Variants in TMEM132B observed in about 807,000 individuals in gnomAD.
TMEM132B encodes the protein transmembrane protein 132B.
In TMEM132B, 18 loss-of-function variants were observed where a neutral mutation model predicts 90.8. That is an observed-to-expected ratio of 0.20 (90% CI 0.14 to 0.29). The LOEUF is 0.29. TMEM132B is among the 10% of genes least tolerant of loss of function. TMEM132B has a pLI of 1.00. For missense variants in TMEM132B, 1,096 were observed against 1,326.8 expected (o/e 0.83, Z 2.70); for synonymous variants, 504 against 523.3 (o/e 0.96, Z 0.50).
intron 2 of TMEM132B, among the ~76,000 whole-genome samples, chr12:125,375,697 G>T (rs190706855): frequency 2.0e-5 from 3 of 152,316 alleles, no homozygotes; most frequent in East Asian, 3.9e-4. Context: ...GACTTACCAC[G>T]GCTGCGTGTT....
At chr12:125,321,851 T>TA (rs993740765) in intron 1 of TMEM132B, among the ~76,000 whole-genome samples, 70 of 145,718 alleles carry the variant, frequency 4.8e-4, no homozygotes, top group Admixed American at 2.0e-3. Context: ...ATATCTACTT[T>TA]AAAAAAAAAA....
At chr12:125,411,157 GAGT>G (rs1879820473) in intron 2 of TMEM132B, among the ~76,000 whole-genome samples, 1 of 93,692 alleles carries the variant, frequency 1.1e-5, no homozygotes, top group East Asian at 3.4e-4. Context: ...TGGAGTGGAG[GAGT>G]GGAGTGGAGT....
chr12:125,236,629 C>A (rs1468020160), intron 1 of TMEM132B, among the ~76,000 whole-genome samples: 2 of 152,188 alleles, frequency 1.3e-5, no homozygotes, highest in African/African-American at 4.8e-5. Context: ...AGAGCCTCCC[C>A]ACTGCTGCCC....
chr12:125,550,314 C>CT (rs1462608380), intron 4 of TMEM132B, among the ~76,000 whole-genome samples: 2 of 152,196 alleles, frequency 1.3e-5, no homozygotes, highest in Non-Finnish European at 1.5e-5. Context: ...TCCCTCAGCC[C>CT]TAGAGGTGGT....
intron 5 of TMEM132B, among the ~76,000 whole-genome samples, chr12:125,609,563 C>T (rs1261705180): frequency 2.6e-5 from 4 of 151,830 alleles, no homozygotes; most frequent in Non-Finnish European, 5.9e-5. Flanking sequence ...TGCTTGTAAT[C>T]CCAGCACTTT....
At chr12:125,422,653 A>T (rs1880201465) in intron 3 of TMEM132B, among the ~76,000 whole-genome samples, 1 of 152,182 alleles carries the variant, frequency 6.6e-6, no homozygotes, top group Non-Finnish European at 1.5e-5. Flanking sequence ...AGCTGAGTGG[A>T]CCCTAAATCC....
chr12:125,286,671 G>A (rs2136139444), intron 1 of TMEM132B, among the ~76,000 whole-genome samples: 1 of 152,156 alleles, frequency 6.6e-6, no homozygotes, highest in South Asian at 2.1e-4. Flanking sequence ...GTGTCAGCAG[G>A]GCTGTGTTCC....
chr12:125,364,939 T>C (rs1181093435), intron 2 of TMEM132B, among the ~76,000 whole-genome samples: 2 of 152,028 alleles, frequency 1.3e-5, no homozygotes, highest in African/African-American at 4.8e-5. Context: ...GTGTCTTGTA[T>C]TTTTTATCTG....
At chr12:125,477,238 T>C (rs1439257275) in intron 3 of TMEM132B, among the ~76,000 whole-genome samples, 1 of 152,136 alleles carries the variant, frequency 6.6e-6, no homozygotes, top group African/African-American at 2.4e-5. Flanking sequence ...AAGAGTACAA[T>C]ATATTTTACT....
At chr12:125,482,644 G>T (rs977817203) in intron 3 of TMEM132B, among the ~76,000 whole-genome samples, 1 of 152,204 alleles carries the variant, frequency 6.6e-6, no homozygotes. Context: ...CACGCTGTTG[G>T]TGGGAGTGTA....
chr12:125,599,342 C>CT lies in TMEM132B; in HGVS notation c.1437+15353dup, dbSNP rs373425224. Among the ~76,000 whole-genome samples the CT allele has an allele frequency of 2.8e-4, 43 of 152,348 alleles. No individual in the cohort carries two copies. The East Asian group carries it at 7.7e-3, about 27-fold the overall frequency. On this transcript the variant is annotated intron_variant, in intron 5 of 8. Transcript: ENST00000682704. ...GTGGAACTGTGAGTCCCTTAAACCTCTTTTTCTTTATAAATTACCCAGTCT... is the reference window on the plus strand; with the variant it reads ...GTGGAACTGTGAGTCCCTTAAACCTCTTTTTTCTTTATAAATTACCCAGTCT...
chr12:125,222,891 A>C (rs1873592987), intron 1 of TMEM132B, among the ~76,000 whole-genome samples: 1 of 152,232 alleles, frequency 6.6e-6, no homozygotes, highest in South Asian at 2.1e-4. Context: ...TAAAATATTG[A>C]TTGTGTCTGT....
At chr12:125,609,395 G>A (rs746541922) in intron 5 of TMEM132B, among the ~76,000 whole-genome samples, 1 of 152,076 alleles carries the variant, frequency 6.6e-6, no homozygotes, top group Non-Finnish European at 1.5e-5. Context: ...TTCTGGGTCC[G>A]CTGCATTTCC....
chr12:125,650,139 T>C (rs1186925540), intron 6 of TMEM132B, among the ~76,000 whole-genome samples: 2 of 152,090 alleles, frequency 1.3e-5, no homozygotes, highest in African/African-American at 4.8e-5. Context: ...CTGCTGATGG[T>C]TCCTGGTTGG....
intron 2 of TMEM132B, among the ~76,000 whole-genome samples, chr12:125,390,716 A>G (rs1878983530): frequency 6.6e-6 from 1 of 152,198 alleles, no homozygotes; most frequent in African/African-American, 2.4e-5. Flanking sequence ...TGGTGAACTG[A>G]GGCCAATAGC....
At chr12:125,500,814 G>T (rs922615836) in intron 3 of TMEM132B, among the ~76,000 whole-genome samples, 9 of 152,100 alleles carry the variant, frequency 5.9e-5, no homozygotes. Context: ...TTGTTCTATG[G>T]GGTCAAGCGA....
chr12:125,393,475 G>A (rs1486628317), intron 2 of TMEM132B, among the ~76,000 whole-genome samples: 1 of 152,058 alleles, frequency 6.6e-6, no homozygotes, highest in African/African-American at 2.4e-5. Context: ...TACCTGGGAA[G>A]GCTTCCTGGA....
chr12:125,496,141 CAG>C (rs921364065), intron 3 of TMEM132B, among the ~76,000 whole-genome samples: 3 of 152,066 alleles, frequency 2.0e-5, no homozygotes, highest in Admixed American at 2.0e-4. Context: ...GTTTTTGAAA[CAG>C]AAAAAACTGG....
intron 3 of TMEM132B, among the ~76,000 whole-genome samples, chr12:125,494,051 C>A (rs1378561817): frequency 1.4e-5 from 2 of 145,834 alleles, no homozygotes; most frequent in African/African-American, 2.6e-5. Context: ...CCTCCTCCCC[C>A]TCCTCCCTGG....
Sources: allele counts gnomAD v4.1 joint callset (sites outside exome capture counted in the v4.1 genomes callset), GRCh38; gene constraint gnomAD v4.1.1; transcripts MANE v1.5; gene names NCBI Gene and HGNC (gene_info 2026-07-23, HGNC 2026-07-21).